TUSC3: variants seen among roughly 807,000 people sequenced by gnomAD.
TUSC3 encodes dolichyl-diphosphooligosaccharide--protein glycosyltransferase subunit TUSC3.
Under a neutral mutation model 44.8 loss-of-function variants are expected in TUSC3, and 45 were observed. The observed-to-expected ratio is 1.00, with a 90% CI of 0.79 to 1.29. The LOEUF is 1.29. TUSC3 is among the 50% of genes most tolerant of loss of function. The pLI is 0.00. For missense variants in TUSC3, 519 were observed against 437.9 expected (o/e 1.19, Z -1.65); for synonymous variants, 212 against 152.9 (o/e 1.39, Z -2.85).
At chr8:15,609,506 G>T (rs1226032355) in intron 1 of TUSC3, among the ~76,000 whole-genome samples, 1 of 151,988 alleles carries the variant, frequency 6.6e-6, no homozygotes, top group Non-Finnish European at 1.5e-5. Context: ...ATTTATAAAT[G>T]AATGTCCAAC....
At chr8:15,694,796 AG>A (rs929950016) in intron 6 of TUSC3, among the ~76,000 whole-genome samples, 1 of 152,024 alleles carries the variant, frequency 6.6e-6, no homozygotes, top group African/African-American at 2.4e-5. Context: ...TGATTACTGG[AG>A]GGGGTGAGTT....
chr8:15,797,333 T>C, the TUSC3 span, among the ~76,000 whole-genome samples: 5 of 152,186 alleles, frequency 3.3e-5, no homozygotes, highest in African/African-American at 7.2e-5. Flanking sequence ...AGTCCAGCAA[T>C]GTGGCATCTT....
At chr8:15,691,692 T>A (rs1286003444) in intron 6 of TUSC3, among the ~76,000 whole-genome samples, 1 of 152,206 alleles carries the variant, frequency 6.6e-6, no homozygotes. Context: ...CTTCAGTGTC[T>A]AGTTTGTTGA....
At chr8:15,523,662 ATATGTGTGTGTGTG>A (rs1212364486) in intron 2 of TUSC3, among the ~76,000 whole-genome samples, 13 of 21,890 alleles carry the variant, frequency 5.9e-4, no homozygotes, top group African/African-American at 2.3e-3. Flanking sequence ...ATATATATAT[ATATGTGTGTGTGTG>A]TGTGTGTGTG....
intron 1 of TUSC3, among the ~76,000 whole-genome samples, chr8:15,548,490 G>C (rs1801950259): frequency 6.6e-6 from 1 of 151,826 alleles, no homozygotes; most frequent in Admixed American, 6.6e-5. Context: ...GTGTGTATGA[G>C]AATGTGATGC....
chr8:15,757,900 C>CA, intron 10 of TUSC3, 45 bp downstream of exon 10: 1 of 1,454,826 alleles, frequency 6.9e-7, no homozygotes, highest in Non-Finnish European at 9.6e-7. Flanking sequence ...CCTCATTTTT[C>CA]AAATATAGAG....
the TUSC3 span, among the ~76,000 whole-genome samples, chr8:15,801,308 C>T: frequency 2.6e-4 from 40 of 152,000 alleles, no homozygotes; most frequent in African/African-American, 9.2e-4. Context: ...ATCCTGAGAG[C>T]ATTTTTGGGA....
At chr8:15,513,892 G>T (rs1801176112) in intron 2 of TUSC3, among the ~76,000 whole-genome samples, 1 of 152,094 alleles carries the variant, frequency 6.6e-6, no homozygotes, top group South Asian at 2.1e-4. Context: ...CCTTTAGTCT[G>T]TCCTCCATCT....
intron 6 of TUSC3, among the ~76,000 whole-genome samples, chr8:15,676,686 A>G (rs1335453753): frequency 6.6e-6 from 1 of 152,172 alleles, no homozygotes; most frequent in East Asian, 1.9e-4. Flanking sequence ...GGTAGAGGCC[A>G]GGAATGCTGC....
intron 2 of TUSC3, among the ~76,000 whole-genome samples, chr8:15,498,068 A>G (rs1167221976): frequency 6.6e-6 from 1 of 152,118 alleles, no homozygotes; most frequent in East Asian, 1.9e-4. Flanking sequence ...GTTTTTTAAG[A>G]TGGAAGAGAC....
chr8:15,573,024 G>A (rs1168418799), intron 1 of TUSC3, among the ~76,000 whole-genome samples: 3 of 151,860 alleles, frequency 2.0e-5, no homozygotes, highest in East Asian at 3.9e-4. Context: ...TGGGAAAAAT[G>A]ACACCCATAG....
intron 2 of TUSC3, among the ~76,000 whole-genome samples, chr8:15,506,646 G>A (rs1479893922): frequency 6.6e-6 from 1 of 152,172 alleles, no homozygotes; most frequent in African/African-American, 2.4e-5. Flanking sequence ...TGCAGGGGAA[G>A]TGCCTTTATA....
chr8:15,675,943 T>C (rs1808169819), intron 6 of TUSC3, among the ~76,000 whole-genome samples: 2 of 152,106 alleles, frequency 1.3e-5, no homozygotes, highest in South Asian at 4.1e-4. Flanking sequence ...TTCCTTTGGG[T>C]ATATACCAGC....
At chr8:15,518,238 C>A (rs2129129027) in intron 2 of TUSC3, among the ~76,000 whole-genome samples, 1 of 152,148 alleles carries the variant, frequency 6.6e-6, no homozygotes, top group African/African-American at 2.4e-5. Flanking sequence ...GTCAATATTA[C>A]CTTTTCTCAT....
chr8:15,445,186 AT>A lies in TUSC3; in HGVS notation n.91+27883del, dbSNP rs545735209. On this transcript the variant is annotated intron_variant and non_coding_transcript_variant, in intron 1 of 5. Coordinates refer to the TUSC3 transcript ENST00000503191. ...GTGGGTCTGGATGGGATCTCCTTGGATTAGGGATGACTAAGAATGACAGCCA... is the reference window on the plus strand; with the variant it reads ...GTGGGTCTGGATGGGATCTCCTTGGATAGGGATGACTAAGAATGACAGCCA... Among the ~76,000 whole-genome samples, 44 of 152,320 alleles carry A rather than the reference AT, an allele frequency of 2.9e-4. No homozygotes were observed. The South Asian group carries it at 6.2e-3, about 22-fold the overall frequency.
At chr8:15,807,079 TG>T in the TUSC3 span, 1 of 1,387,690 alleles carries the variant, frequency 7.2e-7, no homozygotes, top group South Asian at 1.2e-5. Context: ...CAGCAGTATT[TG>T]GCAACCTGAG....
intron 1 of TUSC3, among the ~76,000 whole-genome samples, chr8:15,581,861 C>CCGCT (rs1204024995): frequency 4.5e-4 from 41 of 92,084 alleles, no homozygotes; most frequent in Admixed American, 7.2e-4. Context: ...TGGAGCTTCC[C>CCGCT]GTTTACCTAA....
chr8:15,660,675 T>C (rs946376755), intron 4 of TUSC3, among the ~76,000 whole-genome samples: 1 of 151,960 alleles, frequency 6.6e-6, no homozygotes, highest in Non-Finnish European at 1.5e-5. Flanking sequence ...AATTATATCA[T>C]TGGTTTTAAT....
intron 1 of TUSC3, among the ~76,000 whole-genome samples, chr8:15,466,923 T>G (rs541535085): frequency 3.0e-4 from 46 of 152,248 alleles, no homozygotes; most frequent in Admixed American, 5.2e-4. Context: ...TGTAAAAGAT[T>G]TCTTTCCTTT....
Sources: gnomAD v4.1 joint callset for allele counts (sites outside exome capture counted in the v4.1 genomes callset) on GRCh38, gnomAD v4.1.1 for gene constraint, MANE v1.5 for transcripts, NCBI Gene and HGNC (gene_info 2026-07-23, HGNC 2026-07-21) for gene names.